Variants in GPAM observed in about 807,000 individuals in gnomAD.
The protein encoded by GPAM is glycerol-3-phosphate acyltransferase 1, mitochondrial.
GPAM carries 56 observed loss-of-function variants against 105.0 expected under a neutral mutation model. That is an observed-to-expected ratio of 0.53 (90% CI 0.43 to 0.67). The LOEUF (loss-of-function observed/expected upper bound fraction) is 0.67, where lower values mean the gene tolerates loss of function less well. Among genes scored for constraint, GPAM ranks in the 30% least tolerant of loss-of-function variants. The pLI, the probability that GPAM is intolerant of heterozygous loss-of-function variation, is 0.00. For synonymous variants in GPAM, 368 were observed against 354.4 expected, an observed-to-expected ratio of 1.04 and a Z score of -0.43; for missense variants, 855 against 989.8, an observed-to-expected ratio of 0.86 and a Z score of 1.83.
rs575952452 is a variant in GPAM at position 112,153,060 on chromosome 10, T to C, written c.*490A>G. ...GTGCTCCCATTAAAAATGTAGCTAC[T>C]ATTGACAGATAAAACTGAAAAAGAG... On this transcript the variant is annotated 3_prime_UTR_variant, in exon 22 of 22. Transcript: ENST00000348367. 2.0e-4 allele frequency: 191 copies of C among 935,218 alleles called. No homozygotes were observed. In the African/African-American group the frequency reaches 3.2e-3, roughly 16 times the overall value. 57.9% of individuals were successfully genotyped at this position (935,218 alleles called of 1,614,324 possible).
intron 19 of GPAM, 68 bp downstream of exon 19, chr10:112,157,181 C>T: frequency 1.5e-6 from 2 of 1,339,388 alleles, no homozygotes; most frequent in Non-Finnish European, 2.2e-6. Context: ...AGGACTCCAG[C>T]TGATCTCACT....
chr10:112,172,945 G>A, intron 8 of GPAM, 25 bp downstream of exon 8: 1 of 1,205,486 alleles, frequency 8.3e-7, no homozygotes, highest in Non-Finnish European at 1.2e-6. Context: ...GGAAAATGGG[G>A]TAATAGATTC....
At position 112,164,582 on chromosome 10, in the gene GPAM, G is replaced by A. The variant is rs754776897; in HGVS notation, c.1250C>T (p.Pro417Leu). The change falls in exon 13 of 22, where the codon CCG (proline) becomes CTG (leucine). Residue 417 changes from proline (P) to leucine (L), a missense_variant. Coordinates refer to ENST00000348367, the MANE Select transcript of GPAM (RefSeq NM_001244949.2). ...CTCCAGGGAAAGTAGAGCAGACACC[G>A]GTTTCTGACTTTGGCTTTCTAAATA... ...KEYLESQSQKPVSALLSLEQA... is the reference protein window; with the variant it reads ...KEYLESQSQKLVSALLSLEQA... 43 of 1,604,872 alleles carry A rather than the reference G, an allele frequency of 2.7e-5. No homozygotes were observed. Among genetic ancestry groups the A allele is most frequent in the African/African-American group, 9.4e-5 (7 of 74,640 alleles).
chr10:112,158,093 G>A (rs1359714643), intron 18 of GPAM, among the ~76,000 whole-genome samples: 2 of 152,140 alleles, frequency 1.3e-5, no homozygotes, highest in Non-Finnish European at 2.9e-5. Context: ...ACCATGCCCA[G>A]CTAATTTTTG....
rs528127559 is a variant in GPAM at position 112,155,717 on chromosome 10, T to A, written c.2311+147A>T. The A allele has an allele frequency of 3.2e-4, 191 of 602,964 alleles. No homozygotes were observed. The African/African-American group carries it at 3.4e-3, about 11-fold the overall frequency. The allele number at this position is 602,964 out of a possible 1,614,324, so 37.4% of individuals were successfully genotyped here. ...GTATAACTGTATCATTCAACTTATATAACATGCCAAAGAAGATAATAGTAA... is the reference window on the plus strand; with the variant it reads ...GTATAACTGTATCATTCAACTTATAAAACATGCCAAAGAAGATAATAGTAA... On this transcript the variant is annotated intron_variant, in intron 20 of 21. Transcript: ENST00000348367.
chr10:112,181,441 T>C (rs1847506013), intron 3 of GPAM, among the ~76,000 whole-genome samples: 1 of 152,154 alleles, frequency 6.6e-6, no homozygotes, highest in African/African-American at 2.4e-5. Context: ...TACTAGGGTT[T>C]TTTTCCTATG....
At chr10:112,209,069 T>C (rs1847882156) in intron 1 of GPAM, among the ~76,000 whole-genome samples, 1 of 152,216 alleles carries the variant, frequency 6.6e-6, no homozygotes, top group Admixed American at 6.5e-5. Context: ...CACATTGCAC[T>C]GTGAATACAC....
At chr10:112,156,100 G>T in intron 19 of GPAM, 47 bp from the exon 20 acceptor site, 1 of 1,354,834 alleles carries the variant, frequency 7.4e-7, no homozygotes, top group Non-Finnish European at 1.0e-6. Context: ...AGGGACAAGA[G>T]ACACAAGGCA....
upstream of GPAM, among the ~76,000 whole-genome samples, chr10:112,216,151 A>G (rs1847965698): frequency 6.6e-6 from 1 of 152,234 alleles, no homozygotes; most frequent in African/African-American, 2.4e-5. Context: ...TACAGGCCCT[A>G]TAGACTGGTA....
At chr10:112,154,314 C>G (rs1846976033) in intron 21 of GPAM, 1 of 377,706 alleles carries the variant, frequency 2.6e-6, no homozygotes, top group Non-Finnish European at 4.8e-6. Flanking sequence ...ATTTCTGGTC[C>G]CAACATTTTG....
At chr10:112,168,823 T>C (rs780117073) in intron 10 of GPAM, 30 bp downstream of exon 10, 5 of 1,317,092 alleles carry the variant, frequency 3.8e-6, no homozygotes, top group African/African-American at 1.4e-5. Flanking sequence ...CAACACAATG[T>C]CCCTAAGGAT....
At chr10:112,155,830 A>AC in intron 20 of GPAM, 34 bp downstream of exon 20, 1 of 1,370,156 alleles carries the variant, frequency 7.3e-7, no homozygotes, top group Non-Finnish European at 1.0e-6. Context: ...AAAAAAAAAA[A>AC]GATTTTAAAA....
At chr10:112,167,666 A>T (rs1423429274) in intron 11 of GPAM, among the ~76,000 whole-genome samples, 1 of 152,230 alleles carries the variant, frequency 6.6e-6, no homozygotes, top group Non-Finnish European at 1.5e-5. Flanking sequence ...AAACTAACCC[A>T]GTCTGTAAGA....
chr10:112,176,804 A>T lies in GPAM; in HGVS notation c.300-1091T>A, dbSNP rs74156592. ...TGACAGAGTGTGTGACTCTATGTGA[A>T]TGTGTAAAAATGTTTTAGGCTTTGC... is the stretch of plus-strand genomic sequence containing the variant. On this transcript the variant is annotated intron_variant, in intron 5 of 21. Coordinates refer to ENST00000348367, the MANE Select transcript of GPAM (RefSeq NM_001244949.2). 9.6e-3 allele frequency among the ~76,000 whole-genome samples: 1,455 copies of T among 152,342 alleles called. 21 individuals are homozygous for T. Among genetic ancestry groups the T allele is most frequent in the African/African-American group, 0.034 (1,400 of 41,570 alleles).
Position 112,172,255 on chromosome 10 carries a change from A to G in GPAM, c.721T>C (p.Phe241Leu). ...RSHIDYLLLT[F>L]ILFCHNIKAP... ...TTGATGTTATGGCAGAAGAGAATGAAAGTGAGCAGCAGATAGTCAATATGG... is the reference window on the plus strand; with the variant it reads ...TTGATGTTATGGCAGAAGAGAATGAGAGTGAGCAGCAGATAGTCAATATGG... Residue 241 changes from phenylalanine to leucine, a missense_variant, in exon 9 of 22, where the codon TTC becomes CTC. Physicochemically the swap from Phe to Leu is conservative, Grantham distance 22 (BLOSUM62 0). Coordinates refer to ENST00000348367, the MANE Select transcript of GPAM (RefSeq NM_001244949.2). The G allele has an allele frequency of 6.2e-7, 1 of 1,609,666 alleles. No homozygotes were observed. The highest frequency in any genetic ancestry group is 1.1e-5 in the South Asian group (1 of 90,954).
chr10:112,161,263 T>TGAACAA (rs1847118601), intron 15 of GPAM, among the ~76,000 whole-genome samples: 1 of 152,206 alleles, frequency 6.6e-6, no homozygotes, highest in Non-Finnish European at 1.5e-5. Context: ...AGAATATGAC[T>TGAACAA]GAACAAGACT....
chr10:112,168,159 T>A (rs569628635), intron 11 of GPAM, among the ~76,000 whole-genome samples, 153 bp downstream of exon 11: 56 of 152,314 alleles, frequency 3.7e-4, no homozygotes, highest in African/African-American at 1.3e-3. Context: ...GCATGAAAGC[T>A]ACTCACCATG....
the GPAM span, among the ~76,000 whole-genome samples, chr10:112,222,832 C>T: frequency 6.6e-6 from 1 of 152,120 alleles, no homozygotes; most frequent in South Asian, 2.1e-4. Context: ...GGCCCAGCCA[C>T]ACCATTTACC....
the GPAM span, among the ~76,000 whole-genome samples, chr10:112,223,075 C>A: frequency 1.3e-5 from 2 of 152,188 alleles, no homozygotes; most frequent in African/African-American, 4.8e-5. Context: ...CCCCATGTAG[C>A]CTTCTCTCAT....
Sources: allele counts gnomAD v4.1 joint callset (sites outside exome capture counted in the v4.1 genomes callset), GRCh38; gene constraint gnomAD v4.1.1; transcripts MANE v1.5; gene names NCBI Gene and HGNC (gene_info 2026-07-23, HGNC 2026-07-21).